The following RCSD1 variants were observed in gnomAD, a reference collection of about 807,000 sequenced individuals.
The protein encoded by RCSD1 is capZ-interacting protein.
RCSD1 carries 26 observed loss-of-function variants against 42.5 expected under a neutral mutation model. The observed-to-expected ratio is 0.61, with a 90% CI of 0.45 to 0.85. The LOEUF (loss-of-function observed/expected upper bound fraction) is 0.85. RCSD1 is among the 40% of genes least tolerant of loss of function. The probability of loss-of-function intolerance (pLI) is 0.00; values close to 1 mark genes in which losing one functional copy is unlikely to be tolerated. For synonymous variants in RCSD1, 220 were observed against 212.2 expected, an observed-to-expected ratio of 1.04 and a Z score of -0.32; for missense variants, 571 against 528.3, an observed-to-expected ratio of 1.08 and a Z score of -0.79.
At position 167,697,756 on chromosome 1, in the gene RCSD1, G is replaced by GC; in HGVS notation, c.1132_1133insC (p.Glu378AlafsTer18). ...AAAACAACAGGAGGGGGCAGTGCTC[G>GC]AGCCAGGCTGCAGCCCCCAGACCGG... is the stretch of plus-strand genomic sequence containing the variant. On this transcript the variant is annotated frameshift_variant, in exon 6 of 7. Coordinates refer to ENST00000367854, the MANE Select transcript of RCSD1 (RefSeq NM_052862.4). LOFTEE classifies it high-confidence loss of function. 1 of 1,533,184 alleles carries GC rather than the reference G, an allele frequency of 6.5e-7. No individual in the cohort carries two copies. Among genetic ancestry groups the GC allele is most frequent in the Non-Finnish European group, 8.8e-7 (1 of 1,142,086 alleles). 95.0% of individuals were successfully genotyped at this position (1,533,184 alleles called of 1,614,324 possible). A position where few individuals can be genotyped will look rare whatever the true frequency, so the allele number is the denominator to read the frequency against.
chr1:167,699,945 C>T (rs978662837), intron 6 of RCSD1, among the ~76,000 whole-genome samples: 1 of 152,192 alleles, frequency 6.6e-6, no homozygotes, highest in Non-Finnish European at 1.5e-5. Flanking sequence ...CCCTCCATCC[C>T]ATCAGTTATT....
In RCSD1 at chr1:167,690,499, C is replaced by A. The variant is rs148169763; in HGVS notation, c.270+379C>A. Among the ~76,000 whole-genome samples the A allele has an allele frequency of 8.5e-5, 13 of 152,174 alleles. No homozygotes were observed. In the East Asian group the frequency reaches 2.5e-3, roughly 29 times the overall value. On this transcript the variant is annotated intron_variant, in intron 4 of 6. Coordinates refer to ENST00000367854, the MANE Select transcript of RCSD1 (RefSeq NM_052862.4). ...GACCAGACTGGGCAACATAGTGAGA[C>A]ACTATCTCTACAAAAAATTTTAAAA... is the stretch of plus-strand genomic sequence containing the variant.
intron 1 of RCSD1, among the ~76,000 whole-genome samples, chr1:167,646,979 A>C (rs908428280): frequency 6.6e-6 from 1 of 152,050 alleles, no homozygotes; most frequent in Non-Finnish European, 1.5e-5. Flanking sequence ...AAAATACAAA[A>C]GTTAGCCTGG....
In RCSD1 at chr1:167,704,994, A is replaced by AG. The variant is rs1040456436; in HGVS notation, c.*302dup. The AG allele has an allele frequency of 1.3e-5, 4 of 309,414 alleles. No individual in the cohort carries two copies. The highest frequency in any genetic ancestry group is 8.6e-5 in the African/African-American group (4 of 46,274). The allele number at this position is 309,414 out of a possible 1,614,324, so 19.2% of individuals were successfully genotyped here. ...ACAATGTACTGTGGTGATGAGTCCCAGGGGCACTGGTCAGCCTGTGGAGCC... is the reference window on the plus strand; with the variant it reads ...ACAATGTACTGTGGTGATGAGTCCCAGGGGGCACTGGTCAGCCTGTGGAGCC... On this transcript the variant is annotated 3_prime_UTR_variant, in exon 7 of 7. Transcript: ENST00000367854.
At chr1:167,646,165 G>A (rs750899331) in intron 1 of RCSD1, among the ~76,000 whole-genome samples, 3 of 152,154 alleles carry the variant, frequency 2.0e-5, no homozygotes, top group Non-Finnish European at 4.4e-5. Context: ...AATTTTACTC[G>A]TTGGGGGTGC....
chr1:167,684,890 A>T (rs1378704122), intron 2 of RCSD1, among the ~76,000 whole-genome samples: 1 of 152,100 alleles, frequency 6.6e-6, no homozygotes, highest in East Asian at 1.9e-4. Flanking sequence ...AAATAAATAC[A>T]AACAAGTGAG....
chr1:167,637,850 G>A (rs918372818), intron 1 of RCSD1, among the ~76,000 whole-genome samples: 12 of 152,026 alleles, frequency 7.9e-5, no homozygotes, highest in African/African-American at 2.7e-4. Flanking sequence ...TCCCTGAAAA[G>A]TCAGCGTTTC....
chr1:167,631,261 T>C (rs1030419656), intron 1 of RCSD1, among the ~76,000 whole-genome samples: 1 of 152,232 alleles, frequency 6.6e-6, no homozygotes, highest in African/African-American at 2.4e-5. Context: ...TTCCCTGTGT[T>C]TCCTCCTTGA....
At chr1:167,631,904 C>T (rs1212868786) in intron 1 of RCSD1, among the ~76,000 whole-genome samples, 1 of 152,200 alleles carries the variant, frequency 6.6e-6, no homozygotes, top group Non-Finnish European at 1.5e-5. Flanking sequence ...GGCATCCAGC[C>T]CAGCCAGTTG....
intron 1 of RCSD1, among the ~76,000 whole-genome samples, chr1:167,674,797 T>C (rs1658899630): frequency 6.6e-6 from 1 of 152,262 alleles, no homozygotes; most frequent in Non-Finnish European, 1.5e-5. Context: ...TACTATGTAT[T>C]AGAGCTTCAT....
intron 6 of RCSD1, among the ~76,000 whole-genome samples, chr1:167,703,433 C>T (rs1337289921): frequency 2.0e-5 from 3 of 152,116 alleles, no homozygotes; most frequent in Non-Finnish European, 2.9e-5. Context: ...GCATGAGGAT[C>T]GCTGGAGCCC....
At chr1:167,640,875 G>A (rs925262480) in intron 1 of RCSD1, among the ~76,000 whole-genome samples, 8 of 152,068 alleles carry the variant, frequency 5.3e-5, no homozygotes, top group African/African-American at 1.4e-4. Context: ...CTTTTAGGGG[G>A]TCACCATTCA....
At chr1:167,655,845 T>C (rs1283421305) in intron 1 of RCSD1, among the ~76,000 whole-genome samples, 1 of 152,232 alleles carries the variant, frequency 6.6e-6, no homozygotes, top group African/African-American at 2.4e-5. Context: ...GCCTTCGCTA[T>C]TGAAAAGGCA....
intron 1 of RCSD1, among the ~76,000 whole-genome samples, chr1:167,632,077 G>GCA (rs1657716204): frequency 6.6e-6 from 1 of 152,346 alleles, no homozygotes; most frequent in African/African-American, 2.4e-5. Context: ...CAGGTGGTGT[G>GCA]CACACATCCA....
intron 1 of RCSD1, among the ~76,000 whole-genome samples, chr1:167,679,854 A>G (rs970799073): frequency 1.3e-5 from 2 of 152,210 alleles, no homozygotes; most frequent in African/African-American, 4.8e-5. Flanking sequence ...TGGCCTGTAC[A>G]TAAAGGTCTC....
At chr1:167,670,592 T>C (rs149344447) in intron 1 of RCSD1, among the ~76,000 whole-genome samples, 13 of 152,308 alleles carry the variant, frequency 8.5e-5, no homozygotes, top group African/African-American at 2.9e-4. Flanking sequence ...TGCCATCACC[T>C]TGTAATTTGA....
chr1:167,692,223 CG>C (rs1659394097), intron 4 of RCSD1, among the ~76,000 whole-genome samples: 2 of 152,162 alleles, frequency 1.3e-5, no homozygotes, highest in African/African-American at 4.8e-5. Flanking sequence ...CTAAGAAATG[CG>C]TCGCCAGCTA....
chr1:167,651,203 T>C (rs976988129), intron 1 of RCSD1, among the ~76,000 whole-genome samples: 1 of 152,196 alleles, frequency 6.6e-6, no homozygotes. Flanking sequence ...GGCTTCAACA[T>C]GGGAATTTCA....
Position 167,685,495 on chromosome 1 carries a change from C to A in RCSD1, c.183C>A (p.Gly61=). Residue 61 remains glycine (G), a synonymous_variant, in exon 3 of 7, where the codon GGC becomes GGA. Transcript: ENST00000367854. ...TGTTCCCCCCCAAGGTAGACCTGGG[C>A]CAGAATGGTGAGGAGGTAAGTGCTG... The part of the protein sequence containing the change: ...LPLFPPKVDL[G]QNGEEKSPPN... 1 of 1,613,700 alleles carries A rather than the reference C, an allele frequency of 6.2e-7. No homozygotes were observed. The highest frequency in any genetic ancestry group is 8.5e-7 in the Non-Finnish European group (1 of 1,179,720).
Sources: gnomAD v4.1 joint callset for allele counts (sites outside exome capture counted in the v4.1 genomes callset) on GRCh38, gnomAD v4.1.1 for gene constraint, MANE v1.5 for transcripts, NCBI Gene and HGNC (gene_info 2026-07-23, HGNC 2026-07-21) for gene names.